Variants in CCDC30 observed in about 807,000 individuals in gnomAD.
The protein encoded by CCDC30 is coiled-coil domain-containing protein 30.
A neutral mutation model predicts 100.2 loss-of-function variants in CCDC30; 70 were observed. The observed-to-expected ratio is 0.70, with a 90% CI of 0.58 to 0.85. The LOEUF is 0.85. Among genes scored for constraint, CCDC30 ranks in the 40% least tolerant of loss-of-function variants. CCDC30 has a pLI of 0.00. For missense variants in CCDC30, 652 were observed against 771.2 expected (o/e 0.85, Z 1.83); for synonymous variants, 233 against 269.5 (o/e 0.86, Z 1.33).
chr1:42,555,041 C>A (rs978174214), intron 6 of CCDC30, among the ~76,000 whole-genome samples: 3 of 152,232 alleles, frequency 2.0e-5, no homozygotes, highest in African/African-American at 7.2e-5. Context: ...TCCTTTTTCT[C>A]CCTTACCTGC....
At chr1:42,614,111 C>T (rs563306116) in intron 11 of CCDC30, among the ~76,000 whole-genome samples, 1 of 145,532 alleles carries the variant, frequency 6.9e-6, no homozygotes, top group East Asian at 2.0e-4. Context: ...GATGGAGTCT[C>T]GCTCTGCCGC....
chr1:42,489,454 G>A (rs1338105563), intron 3 of CCDC30, among the ~76,000 whole-genome samples: 2 of 152,128 alleles, frequency 1.3e-5, no homozygotes, highest in African/African-American at 2.4e-5. Context: ...TGAGTGTTAC[G>A]GATGTAATAA....
exon 5 of CCDC30, chr1:42,497,169 A>G: frequency 8.1e-7 from 1 of 1,234,302 alleles, no homozygotes; most frequent in Non-Finnish European, 1.0e-6. Context: ...TTTAAGAAAT[A>G]GGGTTCGATC....
chr1:42,461,611 A>G (rs920356258), upstream of CCDC30, among the ~76,000 whole-genome samples: 1 of 151,232 alleles, frequency 6.6e-6, no homozygotes, highest in Non-Finnish European at 1.5e-5. Flanking sequence ...CAGTGGCACA[A>G]TCTCGGCTCA....
At chr1:42,633,952 A>T (rs1647091517) in intron 11 of CCDC30, among the ~76,000 whole-genome samples, 1 of 152,086 alleles carries the variant, frequency 6.6e-6, no homozygotes, top group South Asian at 2.1e-4. Flanking sequence ...CAGCAAGGAG[A>T]GGTGCTGAGT....
chr1:42,457,673 C>T, the CCDC30 span: 1 of 299,718 alleles, frequency 3.3e-6, no homozygotes. Context: ...ATGAGCAGAA[C>T]CGAGCGCGGT....
intron 6 of CCDC30, chr1:42,537,103 G>T (rs1644919912): frequency 6.8e-6 from 3 of 441,374 alleles, no homozygotes; most frequent in Middle Eastern, 6.8e-4. Flanking sequence ...ATAATAATGG[G>T]GTAGCTCTGT....
chr1:42,537,359 T>C (rs1303855567), intron 6 of CCDC30: 1 of 428,262 alleles, frequency 2.3e-6, no homozygotes, highest in Non-Finnish European at 4.6e-6. Context: ...TAGTTTGCAG[T>C]GCCCCTAATC....
intron 6 of CCDC30, among the ~76,000 whole-genome samples, chr1:42,518,602 A>T (rs983596298): frequency 6.6e-6 from 1 of 152,234 alleles, no homozygotes; most frequent in African/African-American, 2.4e-5. Context: ...AGGCTAAACC[A>T]TATAGCCTAG....
chr1:42,582,369 A>G (rs2148594318), intron 9 of CCDC30, among the ~76,000 whole-genome samples: 1 of 152,342 alleles, frequency 6.6e-6, no homozygotes, highest in Middle Eastern at 3.4e-3. Flanking sequence ...AGTCTTTTGC[A>G]CATTATTAAC....
chr1:42,642,086 CGT>C (rs1647478112), intron 12 of CCDC30, among the ~76,000 whole-genome samples: 2 of 151,552 alleles, frequency 1.3e-5, no homozygotes, highest in African/African-American at 4.8e-5. Flanking sequence ...CTTAGCCGGG[CGT>C]AGTGGTGGGC....
intron 11 of CCDC30, among the ~76,000 whole-genome samples, chr1:42,615,915 G>T (rs1253607744): frequency 1.3e-5 from 2 of 150,904 alleles, no homozygotes; most frequent in South Asian, 2.1e-4. Flanking sequence ...CTTGTTTTTT[G>T]TTTTTTTGGT....
chr1:42,575,194 C>A (rs370228369), intron 7 of CCDC30, among the ~76,000 whole-genome samples: 1 of 152,180 alleles, frequency 6.6e-6, no homozygotes, highest in South Asian at 2.1e-4. Flanking sequence ...AAAGTAAATT[C>A]TCTCTCACCA....
intron 5 of CCDC30, 37 bp downstream of exon 5, chr1:42,497,250 T>C: frequency 8.8e-7 from 1 of 1,136,324 alleles, no homozygotes; most frequent in African/African-American, 1.6e-5. Flanking sequence ...TATTTAAATG[T>C]GTCTACCATA....
chr1:42,456,733 C>T, the CCDC30 span: 2 of 1,610,638 alleles, frequency 1.2e-6, no homozygotes, highest in Admixed American at 3.3e-5. Flanking sequence ...CGGTGCGCTT[C>T]CTGGACAACT....
intron 6 of CCDC30, chr1:42,533,739 G>T (rs1294344145): frequency 2.0e-5 from 3 of 152,390 alleles, no homozygotes; most frequent in African/African-American, 7.2e-5. Context: ...CTGTGAGAGG[G>T]CGCAGCACAA....
chr1:42,600,304 A>G (rs963941110), intron 10 of CCDC30, among the ~76,000 whole-genome samples: 1 of 152,240 alleles, frequency 6.6e-6, no homozygotes, highest in African/African-American at 2.4e-5. Flanking sequence ...TGAGGCAAAA[A>G]TTGATACAAC....
At position 42,540,708 on chromosome 1, in the gene CCDC30, CTT is replaced by C. The variant is rs1296123456; in HGVS notation, c.457-25586_457-25585del. Among the ~76,000 whole-genome samples the C allele has an allele frequency of 8.6e-5, 13 of 151,834 alleles. 1 individual carries two copies. The highest frequency in any genetic ancestry group is 8.5e-4 in the Admixed American group (13 of 15,256). On this transcript the variant is annotated intron_variant, in intron 6 of 16. Transcript: ENST00000668663. ...ACACACACACAGTTTTTTATAAACTCTTTGAGAGTAAGTTGGAGACATAATCT... is the reference window on the plus strand; with the variant it reads ...ACACACACACAGTTTTTTATAAACTCTGAGAGTAAGTTGGAGACATAATCT...
At chr1:42,618,428 G>T (rs1396298445) in intron 11 of CCDC30, among the ~76,000 whole-genome samples, 1 of 151,938 alleles carries the variant, frequency 6.6e-6, no homozygotes, top group Non-Finnish European at 1.5e-5. Flanking sequence ...TAGAGACAGG[G>T]TTTCTCCATG....
Sources: gnomAD v4.1 joint callset for allele counts (sites outside exome capture counted in the v4.1 genomes callset) on GRCh38, gnomAD v4.1.1 for gene constraint, MANE v1.5 for transcripts, NCBI Gene and HGNC (gene_info 2026-07-23, HGNC 2026-07-21) for gene names.